Variants in THSD7B observed in about 807,000 individuals in gnomAD.
The protein encoded by THSD7B is thrombospondin type-1 domain-containing protein 7B.
In THSD7B, 138 loss-of-function variants were observed where a neutral mutation model predicts 213.6. The observed-to-expected ratio is 0.65, with a 90% CI of 0.56 to 0.74. The LOEUF (loss-of-function observed/expected upper bound fraction) is 0.74. THSD7B is among the 30% of genes least tolerant of loss of function. The pLI is 0.00. For missense variants in THSD7B, 1,931 were observed against 1,991.5 expected (o/e 0.97, Z 0.58); for synonymous variants, 742 against 687.0 (o/e 1.08, Z -1.25).
chr2:136,982,502 T>C (rs1685600061), intron 2 of THSD7B, among the ~76,000 whole-genome samples: 1 of 152,096 alleles, frequency 6.6e-6, no homozygotes, highest in South Asian at 2.1e-4. Context: ...CCAGCCTCTT[T>C]TATATAAACT....
chr2:137,139,158 A>G (rs753097927), intron 5 of THSD7B, among the ~76,000 whole-genome samples: 20 of 152,130 alleles, frequency 1.3e-4, no homozygotes, highest in Non-Finnish European at 2.6e-4. Flanking sequence ...TAAATTCTAT[A>G]ATTATTTGAT....
chr2:137,101,489 C>T (rs931371094), intron 4 of THSD7B, among the ~76,000 whole-genome samples: 5 of 152,176 alleles, frequency 3.3e-5, no homozygotes, highest in South Asian at 2.1e-4. Context: ...GTAGAGCTAG[C>T]AGGAGTTTAT....
intron 14 of THSD7B, among the ~76,000 whole-genome samples, chr2:137,416,317 C>T (rs1686797533): frequency 2.0e-5 from 3 of 152,254 alleles, no homozygotes; most frequent in Admixed American, 1.3e-4. Flanking sequence ...GCTGGACCCT[C>T]GAGGACTTCC....
rs1410308346 is a variant in THSD7B at position 136,803,970 on chromosome 2, C to G, written c.-36+38283C>G. Among the ~76,000 whole-genome samples the G allele has an allele frequency of 2.0e-5, 3 of 152,184 alleles. No individual in the cohort carries two copies. In the East Asian group the frequency reaches 5.8e-4, roughly 29 times the overall value. ...GCCCAGTGACAATGGTGAAGCCCAT[C>G]TACTTTACTTAGTTCATCAATTCAA... On this transcript the variant is annotated intron_variant, in intron 1 of 27. Transcript: ENST00000409968.
At chr2:136,832,327 A>G (rs749714148) in intron 1 of THSD7B, among the ~76,000 whole-genome samples, 4 of 152,056 alleles carry the variant, frequency 2.6e-5, no homozygotes, top group African/African-American at 4.8e-5. Context: ...TGTAGTTCCA[A>G]CTGAGTTTGA....
chr2:137,453,805 CAG>C (rs1267292139), intron 15 of THSD7B, among the ~76,000 whole-genome samples: 1 of 152,194 alleles, frequency 6.6e-6, no homozygotes, highest in African/African-American at 2.4e-5. Flanking sequence ...CCATTCTACT[CAG>C]TGTTTCTATA....
intron 4 of THSD7B, among the ~76,000 whole-genome samples, chr2:137,106,400 A>G (rs1302433906): frequency 2.0e-5 from 3 of 152,198 alleles, no homozygotes; most frequent in South Asian, 2.1e-4. Context: ...TTAACTCAAG[A>G]TGGATTAAAG....
intron 5 of THSD7B, among the ~76,000 whole-genome samples, chr2:137,137,959 T>G (rs1259742461): frequency 1.3e-5 from 2 of 152,212 alleles, no homozygotes; most frequent in Non-Finnish European, 2.9e-5. Context: ...AATGCAGTGG[T>G]GTGATCCCAG....
At position 137,574,731 on chromosome 2, in the gene THSD7B, T is replaced by C. The variant is rs143421623; in HGVS notation, c.3423+2175T>C. On this transcript the variant is annotated intron_variant, in intron 17 of 27. Transcript: ENST00000409968. ...ATTATTTTCCCTAAATCTAGGTATA[T>C]TGCATAACTTTAGTTAAGTTGCAAG... Among the ~76,000 whole-genome samples, 396 of 152,220 alleles carry C rather than the reference T, an allele frequency of 2.6e-3. 3 individuals are homozygous for C. Among genetic ancestry groups the C allele is most frequent in the African/African-American group, 9.0e-3 (374 of 41,558 alleles).
At chr2:137,005,753 G>A (rs1004422028) in intron 2 of THSD7B, among the ~76,000 whole-genome samples, 1 of 152,074 alleles carries the variant, frequency 6.6e-6, no homozygotes, top group Non-Finnish European at 1.5e-5. Flanking sequence ...GAATCGTGTT[G>A]TATTGTTAGC....
intron 7 of THSD7B, among the ~76,000 whole-genome samples, chr2:137,184,439 G>T (rs1398340513): frequency 6.6e-6 from 1 of 152,112 alleles, no homozygotes; most frequent in African/African-American, 2.4e-5. Context: ...ATAAGGGAGG[G>T]TTAAGACATG....
chr2:137,620,792 G>A lies in THSD7B; in HGVS notation c.3799+66G>A, dbSNP rs533461932. Reference sequence around the variant, plus strand: ...TCTAAATATCATTCAGTATGCCATAGCTTGATAAATGGCATAAGGTATGGG... The same window carrying A: ...TCTAAATATCATTCAGTATGCCATAACTTGATAAATGGCATAAGGTATGGG... On this transcript the variant is annotated intron_variant, in intron 20 of 27. Transcript: ENST00000409968. The A allele has an allele frequency of 2.8e-5, 38 of 1,349,990 alleles. No homozygotes were observed. In the East Asian group the frequency reaches 7.8e-4, roughly 28 times the overall value. The allele number at this position is 1,349,990 out of a possible 1,614,324, so 83.6% of individuals were successfully genotyped here.
chr2:137,158,287 C>A (rs1222810462), intron 5 of THSD7B, among the ~76,000 whole-genome samples: 1 of 152,196 alleles, frequency 6.6e-6, no homozygotes, highest in Admixed American at 6.5e-5. Context: ...CTCATCTGTG[C>A]ATCCCCAGTT....
At position 137,076,829 on chromosome 2, in the gene THSD7B, T is replaced by A. The variant is rs563772701; in HGVS notation, c.951-18044T>A. 3.3e-5 allele frequency among the ~76,000 whole-genome samples: 5 copies of A among 152,284 alleles called. No individual in the cohort carries two copies. In the South Asian group the frequency reaches 1.0e-3, roughly 32 times the overall value. On this transcript the variant is annotated intron_variant, in intron 3 of 27. Coordinates refer to ENST00000409968, the MANE Select transcript of THSD7B (RefSeq NM_001316349.2). ...ATATTGTTTATTTGTTTTTTTTTAA[T>A]CTTTTTTTATTATAGTTTAAGTTTT...
At chr2:137,295,202 A>G (rs1369442677) in intron 12 of THSD7B, among the ~76,000 whole-genome samples, 1 of 152,154 alleles carries the variant, frequency 6.6e-6, no homozygotes, top group African/African-American at 2.4e-5. Context: ...TTAAAACACT[A>G]GCTCAACCAG....
At chr2:137,676,432 C>A in intron 27 of THSD7B, 92 bp from the exon 28 acceptor site, 1 of 1,153,426 alleles carries the variant, frequency 8.7e-7, no homozygotes, top group African/African-American at 1.6e-5. Context: ...GTCATTTTAC[C>A]GCTTAAATTT....
intron 7 of THSD7B, among the ~76,000 whole-genome samples, chr2:137,212,659 CA>C (rs11327803): frequency 0.6 from 90,540 of 151,552 alleles, 27,467 homozygotes; most frequent in South Asian, 0.71. Flanking sequence ...TTAGTGCACA[CA>C]AAAAAAATAT....
At chr2:137,090,927 C>T (rs1319956498) in intron 3 of THSD7B, among the ~76,000 whole-genome samples, 1 of 152,098 alleles carries the variant, frequency 6.6e-6, no homozygotes, top group Non-Finnish European at 1.5e-5. Context: ...AGTGCAGGAC[C>T]CAGATATTTC....
chr2:137,106,417 A>T (rs915104597), intron 4 of THSD7B, among the ~76,000 whole-genome samples: 22 of 152,348 alleles, frequency 1.4e-4, no homozygotes, highest in African/African-American at 5.3e-4. Context: ...AAAGACTTAA[A>T]CATAAGACCT....
Sources: allele counts gnomAD v4.1 joint callset (sites outside exome capture counted in the v4.1 genomes callset), GRCh38; gene constraint gnomAD v4.1.1; transcripts MANE v1.5; gene names NCBI Gene and HGNC (gene_info 2026-07-23, HGNC 2026-07-21).